MCC: variants seen among roughly 807,000 people sequenced by gnomAD.
MCC encodes the protein MCC regulator of Wnt signaling pathway.
MCC carries 90 observed loss-of-function variants against 116.2 expected under a neutral mutation model. The ratio of observed to expected loss-of-function variants is 0.77; its 90% CI spans 0.65 to 0.92. MCC has a LOEUF of 0.92. Among genes scored for constraint, MCC ranks in the 40% least tolerant of loss-of-function variants. The probability of loss-of-function intolerance (pLI) is 0.00; values close to 1 mark genes in which losing one functional copy is unlikely to be tolerated. For synonymous variants in MCC, 578 were observed against 510.5 expected, an observed-to-expected ratio of 1.13 and a Z score of -1.78; for missense variants, 1,516 against 1,312.2, an observed-to-expected ratio of 1.16 and a Z score of -2.40.
intron 3 of MCC, among the ~76,000 whole-genome samples, chr5:113,205,174 G>C (rs1762861521): frequency 6.6e-6 from 1 of 152,184 alleles, no homozygotes; most frequent in African/African-American, 2.4e-5. Flanking sequence ...TGTATTTTGT[G>C]TTGGAGGACC....
intron 1 of MCC, among the ~76,000 whole-genome samples, chr5:113,467,899 C>T (rs1771961171): frequency 6.6e-6 from 1 of 152,076 alleles, no homozygotes. Flanking sequence ...AGGTCCTTCA[C>T]ATCCCTTGTA....
At chr5:113,384,800 A>C (rs1769209612) in intron 2 of MCC, among the ~76,000 whole-genome samples, 168 bp downstream of exon 2, 1 of 152,216 alleles carries the variant, frequency 6.6e-6, no homozygotes, top group South Asian at 2.1e-4. Flanking sequence ...GCCATCAGAC[A>C]GAACTGGGGG....
intron 3 of MCC, among the ~76,000 whole-genome samples, chr5:113,233,046 C>T (rs537874060): frequency 6.6e-6 from 1 of 152,142 alleles, no homozygotes; most frequent in East Asian, 1.9e-4. Context: ...CTGTAAAGCA[C>T]TTAGCAAAGC....
chr5:113,063,530 G>A (rs1014386723), intron 14 of MCC, among the ~76,000 whole-genome samples: 4 of 152,222 alleles, frequency 2.6e-5, no homozygotes, highest in Admixed American at 6.5e-5. Flanking sequence ...GCTTATAGAC[G>A]ATGGAGGCAC....
intron 3 of MCC, among the ~76,000 whole-genome samples, chr5:113,204,154 A>G (rs1044434423): frequency 1.3e-5 from 2 of 152,182 alleles, no homozygotes; most frequent in Non-Finnish European, 2.9e-5. Flanking sequence ...GTGCCTAGAG[A>G]ATGGTCTTGA....
chr5:113,350,938 T>G (rs1449222871), intron 2 of MCC, among the ~76,000 whole-genome samples: 1 of 152,098 alleles, frequency 6.6e-6, no homozygotes, highest in African/African-American at 2.4e-5. Flanking sequence ...GAAAAGGTGC[T>G]CAACATCATT....
At chr5:113,140,251 A>G (rs1209015512) in intron 5 of MCC, among the ~76,000 whole-genome samples, 2 of 152,126 alleles carry the variant, frequency 1.3e-5, no homozygotes, top group Non-Finnish European at 2.9e-5. Flanking sequence ...GCCACCTCCT[A>G]CCTGGGATGA....
At chr5:113,416,587 T>C (rs1351333590) in intron 1 of MCC, among the ~76,000 whole-genome samples, 2 of 152,220 alleles carry the variant, frequency 1.3e-5, no homozygotes, top group African/African-American at 2.4e-5. Context: ...CATAAATGCA[T>C]GTATATGTAT....
At chr5:113,215,273 G>A (rs1763269579) in intron 3 of MCC, among the ~76,000 whole-genome samples, 1 of 152,144 alleles carries the variant, frequency 6.6e-6, no homozygotes, top group Non-Finnish European at 1.5e-5. Flanking sequence ...CTAGACTTCA[G>A]ACAACTTGGT....
Position 113,162,692 on chromosome 5 carries a change from T to C in MCC, c.628-11270A>G, listed in dbSNP as rs372958216. ...TGTTGTTGTTGTTGTAGAGATGGGG[T>C]ATCACCATGTTGCCCAGGCTGGTCT... On this transcript the variant is annotated intron_variant, in intron 3 of 18. Coordinates refer to ENST00000408903, the MANE Select transcript of MCC (RefSeq NM_001085377.2). 3.9e-5 allele frequency among the ~76,000 whole-genome samples: 6 copies of C among 152,172 alleles called. No individual in the cohort carries two copies. In the East Asian group the frequency reaches 9.6e-4, roughly 24 times the overall value.
At chr5:113,412,943 C>T (rs1457189889) in intron 1 of MCC, among the ~76,000 whole-genome samples, 4 of 152,066 alleles carry the variant, frequency 2.6e-5, no homozygotes, top group Admixed American at 2.0e-4. Flanking sequence ...GAGATACGTC[C>T]CATCAATACC....
chr5:113,110,068 C>T (rs1287263520), intron 6 of MCC, among the ~76,000 whole-genome samples: 1 of 152,212 alleles, frequency 6.6e-6, no homozygotes, highest in Non-Finnish European at 1.5e-5. Context: ...ATCCGCCCAC[C>T]TCAGCTCCCC....
intron 1 of MCC, among the ~76,000 whole-genome samples, chr5:113,393,962 T>C (rs934319621): frequency 1.3e-5 from 2 of 152,190 alleles, no homozygotes; most frequent in African/African-American, 4.8e-5. Flanking sequence ...TAATCTAATC[T>C]AAATCTGTGG....
intron 2 of MCC, among the ~76,000 whole-genome samples, chr5:113,371,555 G>A (rs752029668): frequency 3.3e-5 from 5 of 152,166 alleles, no homozygotes; most frequent in Non-Finnish European, 5.9e-5. Flanking sequence ...TGCATAAAAT[G>A]AGAGCCAAAC....
At chr5:113,356,019 C>T (rs959398139) in intron 2 of MCC, among the ~76,000 whole-genome samples, 1 of 151,826 alleles carries the variant, frequency 6.6e-6, no homozygotes, top group South Asian at 2.1e-4. Context: ...TCATATCTGC[C>T]ACTACAACAA....
chr5:113,045,802 A>AG (rs1230079569), intron 16 of MCC, among the ~76,000 whole-genome samples: 4 of 151,300 alleles, frequency 2.6e-5, no homozygotes. Flanking sequence ...TCCATCTCAA[A>AG]AAAAAAAAAA....
chr5:113,146,977 G>T (rs1759562580), intron 4 of MCC, among the ~76,000 whole-genome samples: 1 of 152,062 alleles, frequency 6.6e-6, no homozygotes, highest in African/African-American at 2.4e-5. Context: ...TAGGAGTCTA[G>T]ATTTGTCTCA....
chr5:113,122,028 T>C (rs1378782064), intron 6 of MCC, among the ~76,000 whole-genome samples: 3 of 152,228 alleles, frequency 2.0e-5, no homozygotes, highest in African/African-American at 7.2e-5. Flanking sequence ...AAGAAACAAA[T>C]TTCATGAAAC....
At chr5:113,432,910 T>C (rs1770705081) in intron 1 of MCC, 1 of 152,194 alleles carries the variant, frequency 6.6e-6, no homozygotes, top group Non-Finnish European at 1.5e-5. Flanking sequence ...TTCCAAATAT[T>C]ATCGCTGCAA....
Sources: gnomAD v4.1 joint callset for allele counts (sites outside exome capture counted in the v4.1 genomes callset) on GRCh38, gnomAD v4.1.1 for gene constraint, MANE v1.5 for transcripts, NCBI Gene and HGNC (gene_info 2026-07-23, HGNC 2026-07-21) for gene names.